The following COLEC10 variants were observed in gnomAD, a reference collection of about 807,000 sequenced individuals.
The protein encoded by COLEC10 is collectin-10.
COLEC10 carries 22 observed loss-of-function variants against 28.4 expected under a neutral mutation model. The ratio of observed to expected loss-of-function variants is 0.78; its 90% CI spans 0.55 to 1.11. The LOEUF (loss-of-function observed/expected upper bound fraction) is 1.11, where lower values mean the gene tolerates loss of function less well. COLEC10 is among the 50% of genes least tolerant of loss of function. The pLI is 0.00. For synonymous variants in COLEC10, 125 were observed against 116.1 expected (o/e 1.08, Z -0.49); for missense variants, 361 against 344.1 (o/e 1.05, Z -0.39).
At chr8:119,056,075 A>G (rs1814755431) in intron 2 of COLEC10, among the ~76,000 whole-genome samples, 1 of 152,066 alleles carries the variant, frequency 6.6e-6, no homozygotes, top group Admixed American at 6.6e-5. Context: ...TAAGGCAGGA[A>G]CCTGGGAATC....
rs574482895 is a variant in COLEC10, at chr8:119,075,864, A to C, written c.148+8435A>C. Among the ~76,000 whole-genome samples the C allele has an allele frequency of 1.5e-4, 22 of 148,174 alleles. No individual in the cohort carries two copies. In the South Asian group the frequency reaches 4.8e-3, roughly 33 times the overall value. On this transcript the variant is annotated intron_variant, in intron 1 of 5. Coordinates refer to ENST00000332843, the MANE Select transcript of COLEC10 (RefSeq NM_006438.5). ...GAGCTCTGTTAAATGAGATGATGTC[A>C]TCTCATCTCAAGAATGATCAGCCAT...
intron 2 of COLEC10, among the ~76,000 whole-genome samples, chr8:119,059,448 T>C (rs1218361293): frequency 6.6e-6 from 1 of 152,110 alleles, no homozygotes; most frequent in African/African-American, 2.4e-5. Flanking sequence ...TCCAGCATCA[T>C]TTGTTGAAAA....
intron 5 of COLEC10, among the ~76,000 whole-genome samples, chr8:119,104,407 T>C (rs1587068672): frequency 6.6e-6 from 1 of 152,216 alleles, no homozygotes; most frequent in East Asian, 1.9e-4. Flanking sequence ...AGCAGGAATG[T>C]AGTACAAGCT....
chr8:119,047,890 C>G (rs981649660), intron 2 of COLEC10, among the ~76,000 whole-genome samples: 1 of 152,148 alleles, frequency 6.6e-6, no homozygotes, highest in Non-Finnish European at 1.5e-5. Flanking sequence ...TAAGAACCAT[C>G]AGTCTATATG....
intron 1 of COLEC10, among the ~76,000 whole-genome samples, chr8:119,083,132 T>C (rs1443036790): frequency 2.0e-5 from 3 of 152,206 alleles, no homozygotes; most frequent in Non-Finnish European, 2.9e-5. Flanking sequence ...GGGGAATTCA[T>C]AGACCCATGT....
chr8:119,080,343 G>T (rs184447614), intron 1 of COLEC10, among the ~76,000 whole-genome samples: 1 of 152,254 alleles, frequency 6.6e-6, no homozygotes, highest in Admixed American at 6.5e-5. Context: ...TGAGTTTTTG[G>T]ACAACAGTCA....
chr8:118,988,508 A>C, the COLEC10 span, among the ~76,000 whole-genome samples: 1 of 152,274 alleles, frequency 6.6e-6, no homozygotes, highest in Admixed American at 6.5e-5. Flanking sequence ...TCAAGGAAAT[A>C]GACTGGGAAT....
chr8:118,957,747 A>T, the COLEC10 span, among the ~76,000 whole-genome samples: 1 of 152,172 alleles, frequency 6.6e-6, no homozygotes. Context: ...GTACATTAAG[A>T]ATGAATTCTC....
At chr8:119,072,935 T>G (rs1341759451) in intron 1 of COLEC10, among the ~76,000 whole-genome samples, 1 of 152,176 alleles carries the variant, frequency 6.6e-6, no homozygotes, top group Non-Finnish European at 1.5e-5. Context: ...TCCCAGCAAT[T>G]GACACAACTT....
chr8:119,092,139 G>A (rs766540276), intron 3 of COLEC10, among the ~76,000 whole-genome samples: 5 of 147,836 alleles, frequency 3.4e-5, no homozygotes, highest in Non-Finnish European at 7.4e-5. Context: ...GTGGGATCTC[G>A]GCTTACTGCA....
At chr8:118,954,309 A>G in the COLEC10 span, among the ~76,000 whole-genome samples, 8,101 of 152,314 alleles carry the variant, frequency 0.053, 354 homozygotes, top group East Asian at 0.16. Flanking sequence ...ACTCACTGAC[A>G]GAAAACTGAC....
intron 1 of COLEC10, among the ~76,000 whole-genome samples, chr8:119,079,252 A>G (rs1375219085): frequency 6.6e-6 from 1 of 152,098 alleles, no homozygotes; most frequent in Admixed American, 6.6e-5. Context: ...GTGCATGACC[A>G]CATTTACTGC....
intron 4 of COLEC10, among the ~76,000 whole-genome samples, chr8:119,103,184 A>G (rs1409029744): frequency 6.6e-6 from 1 of 152,208 alleles, no homozygotes; most frequent in Non-Finnish European, 1.5e-5. Context: ...TTGAAAAGTT[A>G]GGTGAGCAAA....
the COLEC10 span, chr8:118,982,435 A>G: frequency 4.6e-5 from 7 of 153,088 alleles, no homozygotes; most frequent in Admixed American, 3.9e-4. Context: ...ATCTATGTGA[A>G]TAGGTTCTGG....
At chr8:118,990,820 G>A (rs1283269030), upstream of COLEC10, among the ~76,000 whole-genome samples, 1 of 151,848 alleles carries the variant, frequency 6.6e-6, no homozygotes, top group African/African-American at 2.4e-5. Flanking sequence ...CCTTTGTTGG[G>A]CAAAGCAAAC....
At chr8:119,002,882 A>T (rs926508556) in intron 1 of COLEC10, among the ~76,000 whole-genome samples, 3 of 152,156 alleles carry the variant, frequency 2.0e-5, no homozygotes, top group African/African-American at 7.2e-5. Context: ...TTTTTGAAAT[A>T]ATCTAAACCT....
In COLEC10 at chr8:119,106,325, G is replaced by T. The variant is rs918211713; in HGVS notation, c.*134G>T. ...AGAAAATGCTAAACTGAGGTATGGAGCCTCCATCATCATGCTCTTTTGTGA... is the reference window on the plus strand; with the variant it reads ...AGAAAATGCTAAACTGAGGTATGGATCCTCCATCATCATGCTCTTTTGTGA... On this transcript the variant is annotated 3_prime_UTR_variant, in exon 6 of 6. Coordinates refer to ENST00000332843, the MANE Select transcript of COLEC10 (RefSeq NM_006438.5). The T allele has an allele frequency of 2.4e-6, 2 of 834,692 alleles. No individual in the cohort carries two copies. The highest frequency in any genetic ancestry group is 1.7e-5 in the African/African-American group (1 of 58,780). 51.7% of individuals were successfully genotyped at this position (834,692 alleles called of 1,614,324 possible).
At chr8:118,971,694 T>A in the COLEC10 span, among the ~76,000 whole-genome samples, 1 of 152,000 alleles carries the variant, frequency 6.6e-6, no homozygotes, top group African/African-American at 2.4e-5. Flanking sequence ...AATGTTGAAG[T>A]CTGGTTATGT....
At chr8:119,032,834 G>A (rs1375710337) in intron 2 of COLEC10, among the ~76,000 whole-genome samples, 2 of 152,178 alleles carry the variant, frequency 1.3e-5, no homozygotes, top group Non-Finnish European at 2.9e-5. Context: ...CCTGGGAGGC[G>A]GAGCTTGCAG....
Sources: allele counts gnomAD v4.1 joint callset (sites outside exome capture counted in the v4.1 genomes callset), GRCh38; gene constraint gnomAD v4.1.1; transcripts MANE v1.5; gene names NCBI Gene and HGNC (gene_info 2026-07-23, HGNC 2026-07-21).